FAM184A: variants seen among roughly 807,000 people sequenced by gnomAD.
FAM184A encodes the protein protein FAM184A.
Under a neutral mutation model 143.8 loss-of-function variants are expected in FAM184A, and 99 were observed. That is an observed-to-expected ratio of 0.69 (90% CI 0.58 to 0.81). The LOEUF (loss-of-function observed/expected upper bound fraction) is 0.81, where lower values mean the gene tolerates loss of function less well. FAM184A is among the 40% of genes least tolerant of loss of function. The pLI is 0.00. For synonymous variants in FAM184A, 427 were observed against 446.4 expected (o/e 0.96, Z 0.55); for missense variants, 1,217 against 1,310.5 (o/e 0.93, Z 1.10).
At chr6:119,040,330 T>A (rs1786279750) in intron 1 of FAM184A, among the ~76,000 whole-genome samples, 1 of 152,188 alleles carries the variant, frequency 6.6e-6, no homozygotes. Flanking sequence ...ACCTTCCTAG[T>A]GGTAAGAGAT....
chr6:119,128,350 AG>A (rs1454298370), intron 1 of FAM184A, among the ~76,000 whole-genome samples: 1 of 152,162 alleles, frequency 6.6e-6, no homozygotes, highest in African/African-American at 2.4e-5. Context: ...GGGAGATGTG[AG>A]GGACTAGTGC....
At chr6:119,101,285 T>C (rs117931809) in intron 1 of FAM184A, among the ~76,000 whole-genome samples, 4,710 of 152,028 alleles carry the variant, frequency 0.031, 433 homozygotes, top group Admixed American at 0.18. Context: ...TTGGTCAGAA[T>C]GGTCTTGAAC....
At chr6:118,987,518 T>C (rs773364210) in intron 9 of FAM184A, among the ~76,000 whole-genome samples, 1 of 152,230 alleles carries the variant, frequency 6.6e-6, no homozygotes, top group Non-Finnish European at 1.5e-5. Flanking sequence ...AATTTCTGCA[T>C]ACCTGAGTGT....
intron 1 of FAM184A, among the ~76,000 whole-genome samples, chr6:119,029,195 C>G (rs1785778604): frequency 6.6e-6 from 1 of 152,050 alleles, no homozygotes; most frequent in Non-Finnish European, 1.5e-5. Flanking sequence ...AGGTAAAATC[C>G]AAAGAGAGAA....
chr6:119,038,808 G>A (rs12205874), intron 1 of FAM184A, among the ~76,000 whole-genome samples: 1,921 of 152,178 alleles, frequency 0.013, 13 homozygotes, highest in Middle Eastern at 0.055. Flanking sequence ...GGTCTGGATC[G>A]GGACCCCTTT....
At chr6:118,965,943 T>G (rs1477452705) in intron 15 of FAM184A, among the ~76,000 whole-genome samples, 1 of 152,196 alleles carries the variant, frequency 6.6e-6, no homozygotes, top group Non-Finnish European at 1.5e-5. Context: ...CTATAAGGCC[T>G]GTGCTCATGT....
intron 1 of FAM184A, among the ~76,000 whole-genome samples, chr6:119,105,922 A>C (rs1422818671): frequency 6.6e-6 from 1 of 152,216 alleles, no homozygotes; most frequent in East Asian, 1.9e-4. Flanking sequence ...TTAAGTATGT[A>C]TAACTAACGT....
intron 6 of FAM184A, 130 bp downstream of exon 6, chr6:119,011,178 TA>T: frequency 1.4e-6 from 1 of 732,894 alleles, no homozygotes; most frequent in Non-Finnish European, 2.1e-6. Context: ...CAACACCAAT[TA>T]AAGTTTTTAA....
At chr6:119,085,517 C>G (rs760836512) in intron 1 of FAM184A, among the ~76,000 whole-genome samples, 1 of 152,194 alleles carries the variant, frequency 6.6e-6, no homozygotes, top group Non-Finnish European at 1.5e-5. Flanking sequence ...AAAAATTTAA[C>G]CAGTTTCTAG....
chr6:119,091,892 T>C (rs1006834396), intron 1 of FAM184A, among the ~76,000 whole-genome samples: 4 of 152,206 alleles, frequency 2.6e-5, no homozygotes, highest in African/African-American at 7.2e-5. Flanking sequence ...GCCAATACAG[T>C]TGGGGCCTTG....
intron 1 of FAM184A, among the ~76,000 whole-genome samples, chr6:119,088,585 A>T (rs1788288530): frequency 6.6e-6 from 1 of 152,090 alleles, no homozygotes; most frequent in Non-Finnish European, 1.5e-5. Context: ...CTACAAAAGC[A>T]CCTGTACTAA....
chr6:119,053,126 T>C (rs1242547086), intron 1 of FAM184A, among the ~76,000 whole-genome samples: 1 of 152,226 alleles, frequency 6.6e-6, no homozygotes, highest in East Asian at 1.9e-4. Context: ...AACTGATACC[T>C]GACTGAAGAG....
chr6:118,974,646 C>A, intron 13 of FAM184A, 72 bp from the exon 14 acceptor site: 1 of 1,313,126 alleles, frequency 7.6e-7, no homozygotes, highest in Non-Finnish European at 1.0e-6. Flanking sequence ...ATTATTCTAC[C>A]AGATTTGAAA....
At chr6:118,962,089 A>AT in intron 16 of FAM184A, 126 bp from the exon 17 acceptor site, 1 of 859,100 alleles carries the variant, frequency 1.2e-6, no homozygotes, top group Non-Finnish European at 1.9e-6. Context: ...TAAAATGTTA[A>AT]TTAACCAGTG....
chr6:118,975,791 C>G (rs1783827650), intron 12 of FAM184A, 126 bp downstream of exon 12: 2 of 935,018 alleles, frequency 2.1e-6, no homozygotes, highest in Non-Finnish European at 1.6e-6. Context: ...AAATAAAGCT[C>G]TTCAATATAA....
chr6:119,007,206 G>C (rs958062693), intron 6 of FAM184A, among the ~76,000 whole-genome samples: 1 of 152,020 alleles, frequency 6.6e-6, no homozygotes, highest in Non-Finnish European at 1.5e-5. Context: ...ATAAAGTTAT[G>C]AATACTAAAA....
chr6:119,123,643 T>A (rs960183871), intron 1 of FAM184A, among the ~76,000 whole-genome samples: 3 of 152,204 alleles, frequency 2.0e-5, no homozygotes, highest in Non-Finnish European at 4.4e-5. Context: ...CCGAGAACTC[T>A]GTTTTCAACG....
At chr6:119,064,298 A>G (rs1294526647) in intron 1 of FAM184A, among the ~76,000 whole-genome samples, 2 of 152,180 alleles carry the variant, frequency 1.3e-5, no homozygotes, top group Non-Finnish European at 2.9e-5. Context: ...AGCTACACCT[A>G]CCAGGCAAAA....
chr6:119,066,704 T>C (rs1045381264), intron 1 of FAM184A, among the ~76,000 whole-genome samples: 2 of 152,242 alleles, frequency 1.3e-5, no homozygotes, highest in East Asian at 3.8e-4. Context: ...GACAGTTATC[T>C]TTGCCAACTC....
Sources: gnomAD v4.1 joint callset for allele counts (sites outside exome capture counted in the v4.1 genomes callset) on GRCh38, gnomAD v4.1.1 for gene constraint, MANE v1.5 for transcripts, NCBI Gene and HGNC (gene_info 2026-07-23, HGNC 2026-07-21) for gene names.